The following TRIP4 variants were observed in gnomAD, a reference collection of about 807,000 sequenced individuals.
TRIP4 encodes the protein activating signal cointegrator 1.
A neutral mutation model predicts 81.8 loss-of-function variants in TRIP4; 54 were observed. The ratio of observed to expected loss-of-function variants is 0.66; its 90% CI spans 0.53 to 0.83. The LOEUF is 0.83. Ranked by LOEUF, TRIP4 falls within the 40% of genes least tolerant of loss-of-function variation. TRIP4 has a pLI of 0.00. For synonymous variants in TRIP4, 270 were observed against 242.8 expected, an observed-to-expected ratio of 1.11 and a Z score of -1.04; for missense variants, 662 against 683.6, an observed-to-expected ratio of 0.97 and a Z score of 0.35.
At chr15:64,413,616 G>T in intron 7 of TRIP4, among the ~76,000 whole-genome samples, 1 of 151,486 alleles carries the variant, frequency 6.6e-6, no homozygotes, top group Non-Finnish European at 1.5e-5. Flanking sequence ...TTTTGAGACA[G>T]TCTCACTCTA....
At chr15:64,418,934 ATAG>A (rs1367315799) in intron 9 of TRIP4, among the ~76,000 whole-genome samples, 2 of 152,302 alleles carry the variant, frequency 1.3e-5, no homozygotes, top group East Asian at 1.9e-4. Context: ...ATTGACAAAT[ATAG>A]TAGTAGTTTT....
intron 3 of TRIP4, 128 bp downstream of exon 3, chr15:64,395,659 TA>T: frequency 9.3e-7 from 1 of 1,077,412 alleles, no homozygotes. Context: ...GAATTTTAGG[TA>T]GAAAAAGTTA....
chr15:64,439,512 C>CTTTTTTTT (rs71895300), intron 11 of TRIP4, among the ~76,000 whole-genome samples: 1 of 47,880 alleles, frequency 2.1e-5, no homozygotes, highest in African/African-American at 1.0e-4. Flanking sequence ...ACTTATAAAT[C>CTTTTTTTT]TTTTTTTTTT....
chr15:64,444,828 A>C (rs1272008585), intron 11 of TRIP4, 178 bp from the exon 12 acceptor site: 1 of 454,056 alleles, frequency 2.2e-6, no homozygotes, highest in Admixed American at 4.0e-5. Context: ...ATAATGCTGT[A>C]CTAAGGATTG....
chr15:64,450,645 A>C (rs1191301051), intron 12 of TRIP4: 2 of 455,858 alleles, frequency 4.4e-6, no homozygotes, highest in South Asian at 3.1e-5. Context: ...GATTGTTGGC[A>C]AATGTCTGAT....
At chr15:64,388,704 G>A (rs998186816) in intron 1 of TRIP4, among the ~76,000 whole-genome samples, 1 of 152,200 alleles carries the variant, frequency 6.6e-6, no homozygotes, top group Non-Finnish European at 1.5e-5. Context: ...AGTGGAAGCA[G>A]CGTGGTAGAG....
In TRIP4 at chr15:64,439,512, CTTTTTTTTT is replaced by C. The variant is rs71895300; in HGVS notation, c.1576-5474_1576-5466del. On this transcript the variant is annotated intron_variant, in intron 11 of 12. Transcript: ENST00000261884. ...GTTCTTCAAATAACAACTTATAAAT[CTTTTTTTTT>C]TTTTTTTTTTTTTTTTTTTGAGATG... is the stretch of plus-strand genomic sequence containing the variant. Among the ~76,000 whole-genome samples, 33 of 47,938 alleles carry C rather than the reference CTTTTTTTTT, an allele frequency of 6.9e-4. 1 individual carries two copies. The South Asian group carries it at 0.017, about 25-fold the overall frequency. 31.4% of individuals were successfully genotyped at this position (47,938 alleles called of 152,430 possible).
At chr15:64,396,085 T>A (rs1046847542) in intron 3 of TRIP4, among the ~76,000 whole-genome samples, 2 of 151,484 alleles carry the variant, frequency 1.3e-5, no homozygotes, top group African/African-American at 4.9e-5. Flanking sequence ...ATTTTTCGTA[T>A]TTTAGTAGAG....
At chr15:64,404,370 G>T (rs1891577485) in intron 5 of TRIP4, among the ~76,000 whole-genome samples, 1 of 151,802 alleles carries the variant, frequency 6.6e-6, no homozygotes, top group Non-Finnish European at 1.5e-5. Flanking sequence ...ACCTAGGCTG[G>T]AGTGCAGTGG....
At position 64,433,252 on chromosome 15, in the gene TRIP4, A is replaced by G. The variant is rs574529114; in HGVS notation, c.1575+7621A>G. ...GAAATCTATCACTTTTTGATCAGTT[A>G]TTATGTGCCACATTCATCATGCTAT... On this transcript the variant is annotated intron_variant, in intron 11 of 12. Coordinates refer to ENST00000261884, the MANE Select transcript of TRIP4 (RefSeq NM_016213.5). Among the ~76,000 whole-genome samples the G allele has an allele frequency of 2.0e-5, 3 of 152,234 alleles. No homozygotes were observed. In the South Asian group the frequency reaches 6.2e-4, roughly 32 times the overall value.
intron 11 of TRIP4, among the ~76,000 whole-genome samples, chr15:64,430,237 A>C (rs76942298): frequency 3.9e-5 from 6 of 152,192 alleles, no homozygotes; most frequent in Non-Finnish European, 7.3e-5. Context: ...TAGATCCTCA[A>C]CCCTCCTGAG....
rs1892214567 is a variant in TRIP4, at chr15:64,429,134, G to A, written c.1575+3503G>A. Among the ~76,000 whole-genome samples the A allele has an allele frequency of 2.0e-5, 3 of 151,280 alleles. No homozygotes were observed. The South Asian group carries it at 6.4e-4, about 32-fold the overall frequency. On this transcript the variant is annotated intron_variant, in intron 11 of 12. Coordinates refer to ENST00000261884, the MANE Select transcript of TRIP4 (RefSeq NM_016213.5). ...GTTCGAGACCAGCCTGGCCAACATG[G>A]TGAAACCCCGTCTCTACTAAAAAAC...
chr15:64,413,108 C>A (rs1274866544), intron 7 of TRIP4, among the ~76,000 whole-genome samples: 1 of 152,038 alleles, frequency 6.6e-6, no homozygotes, highest in Non-Finnish European at 1.5e-5. Flanking sequence ...GAAAGGACTG[C>A]TGAGCAGACA....
intron 11 of TRIP4, among the ~76,000 whole-genome samples, chr15:64,437,851 A>G (rs2140309233): frequency 6.6e-6 from 1 of 152,286 alleles, no homozygotes; most frequent in East Asian, 1.9e-4. Context: ...GGATGGGGCA[A>G]GCCTGAAAAC....
chr15:64,450,711 G>A, intron 12 of TRIP4: 1 of 455,976 alleles, frequency 2.2e-6, no homozygotes, highest in South Asian at 1.5e-5. Flanking sequence ...GAATATCCTG[G>A]AAATCCTTGT....
chr15:64,406,800 G>T (rs1231776860), intron 6 of TRIP4, among the ~76,000 whole-genome samples: 1 of 152,184 alleles, frequency 6.6e-6, no homozygotes, highest in Non-Finnish European at 1.5e-5. Context: ...TTTGCAAACT[G>T]TTAGGCTGGG....
At chr15:64,435,822 TAAA>T (rs57170652) in intron 11 of TRIP4, among the ~76,000 whole-genome samples, 1 of 65,974 alleles carries the variant, frequency 1.5e-5, no homozygotes, top group African/African-American at 6.8e-5. Flanking sequence ...GGAAGCTTCT[TAAA>T]AAAAAAAAAA....
rs1596343350 is a variant in TRIP4, at chr15:64,409,724, G to C, written c.939G>C (p.Leu313=). The C allele has an allele frequency of 1.9e-6, 3 of 1,614,132 alleles. No homozygotes were observed. The highest frequency in any genetic ancestry group is 2.7e-5 in the African/African-American group (2 of 75,038). The change falls in exon 7 of 13, where the codon CTG becomes CTC. Residue 313 remains leucine, a synonymous_variant. Coordinates refer to ENST00000261884, the MANE Select transcript of TRIP4 (RefSeq NM_016213.5). The part of the protein sequence containing the change: ...RETLQKREEE[L]RELRHASRLS... ...CCTTGCAGAAGCGAGAGGAGGAGCTGAGAGAACTTCGACACGCCTCTCGAC... is the reference window on the plus strand; with the variant it reads ...CCTTGCAGAAGCGAGAGGAGGAGCTCAGAGAACTTCGACACGCCTCTCGAC...
intron 12 of TRIP4, among the ~76,000 whole-genome samples, chr15:64,454,667 T>G (rs1334344860): frequency 1.3e-5 from 2 of 152,234 alleles, no homozygotes; most frequent in Admixed American, 6.5e-5. Context: ...CTGCCTTTAT[T>G]GCATGTGTAT....
Sources: gnomAD v4.1 joint callset for allele counts (sites outside exome capture counted in the v4.1 genomes callset) on GRCh38, gnomAD v4.1.1 for gene constraint, MANE v1.5 for transcripts, NCBI Gene and HGNC (gene_info 2026-07-23, HGNC 2026-07-21) for gene names.